Variants in ADGRA3 observed in about 807,000 individuals in gnomAD.
The protein encoded by ADGRA3 is adhesion G protein-coupled receptor A3, also known as G-protein coupled receptor 125.
A neutral mutation model predicts 119.8 loss-of-function variants in ADGRA3; 56 were observed. The ratio of observed to expected loss-of-function variants is 0.47; its 90% CI spans 0.38 to 0.58. The LOEUF (loss-of-function observed/expected upper bound fraction) is 0.58, where lower values mean the gene tolerates loss of function less well. ADGRA3 is among the 20% of genes least tolerant of loss of function. The pLI is 0.00. For synonymous variants in ADGRA3, 607 were observed against 623.8 expected (o/e 0.97, Z 0.40); for missense variants, 1,516 against 1,649.0 (o/e 0.92, Z 1.40).
intron 1 of ADGRA3, among the ~76,000 whole-genome samples, chr4:22,476,730 G>A (rs557126507): frequency 9.9e-5 from 15 of 151,492 alleles, no homozygotes; most frequent in Middle Eastern, 3.4e-3. Flanking sequence ...ACAGTGGCAC[G>A]ATCTCAATTC....
intron 5 of ADGRA3, 61 bp downstream of exon 5, chr4:22,447,379 T>C: frequency 1.9e-6 from 2 of 1,042,068 alleles, no homozygotes; most frequent in Non-Finnish European, 2.9e-6. Flanking sequence ...AATAAATGTT[T>C]TTAATTTTCA....
intron 4 of ADGRA3, among the ~76,000 whole-genome samples, chr4:22,453,610 G>C (rs761519848): frequency 1.3e-4 from 20 of 152,184 alleles, no homozygotes; most frequent in Admixed American, 3.3e-4. Flanking sequence ...ACCACAAGTA[G>C]ACAACCCTTA....
chr4:22,469,568 CTTCT>C (rs1717784114), intron 2 of ADGRA3, among the ~76,000 whole-genome samples: 1 of 152,198 alleles, frequency 6.6e-6, no homozygotes, highest in Non-Finnish European at 1.5e-5. Flanking sequence ...AAACATACCA[CTTCT>C]TTGAGTTCTC....
In ADGRA3 at chr4:22,489,514, G is replaced by A. The variant is rs1016966676; in HGVS notation, c.258-15671C>T. The stretch of plus-strand genomic sequence containing the variant: ...AAACATAATGTATAAATATAAATAT[G>A]TACATGAGCAAAAAAAATAACGAAA... On this transcript the variant is annotated intron_variant, in intron 1 of 18. Transcript: ENST00000334304. Among the ~76,000 whole-genome samples the A allele has an allele frequency of 3.9e-5, 6 of 151,996 alleles. No individual in the cohort carries two copies. In the South Asian group the frequency reaches 8.3e-4, roughly 21 times the overall value.
At chr4:22,432,549 A>G (rs544112748) in intron 10 of ADGRA3, among the ~76,000 whole-genome samples, 17 of 152,346 alleles carry the variant, frequency 1.1e-4, no homozygotes, top group African/African-American at 3.8e-4. Context: ...CGCATATCGC[A>G]CTCACATATT....
chr4:22,429,965 G>A (rs572222824), intron 10 of ADGRA3, among the ~76,000 whole-genome samples: 112 of 152,208 alleles, frequency 7.4e-4, no homozygotes, highest in Non-Finnish European at 1.4e-3. Context: ...TTGAATCATG[G>A]GGGCAGGTCT....
intron 14 of ADGRA3, among the ~76,000 whole-genome samples, chr4:22,403,519 G>T (rs1430694529): frequency 6.6e-6 from 1 of 152,038 alleles, no homozygotes; most frequent in East Asian, 1.9e-4. Flanking sequence ...GGGCAGGCTT[G>T]AGCTCAGGAG....
At chr4:22,397,339 G>A (rs1028312091) in intron 16 of ADGRA3, among the ~76,000 whole-genome samples, 1 of 151,822 alleles carries the variant, frequency 6.6e-6, no homozygotes, top group Non-Finnish European at 1.5e-5. Context: ...GCGCTACTAC[G>A]CTCAGCTAAT....
intron 1 of ADGRA3, among the ~76,000 whole-genome samples, chr4:22,507,480 T>C (rs1211983701): frequency 6.6e-6 from 1 of 151,590 alleles, no homozygotes; most frequent in Admixed American, 6.6e-5. Context: ...CTTTCAGGAG[T>C]TTTTACTTCT....
intron 1 of ADGRA3, among the ~76,000 whole-genome samples, chr4:22,502,070 CA>C (rs1719065620): frequency 6.6e-6 from 1 of 152,098 alleles, no homozygotes; most frequent in South Asian, 2.1e-4. Flanking sequence ...AGCCTTATCT[CA>C]AAAAGCATAG....
At chr4:22,506,437 C>T (rs1486605239) in intron 1 of ADGRA3, among the ~76,000 whole-genome samples, 1 of 152,122 alleles carries the variant, frequency 6.6e-6, no homozygotes, top group Non-Finnish European at 1.5e-5. Context: ...TCTGTGGTCC[C>T]AGCTACTCGG....
intron 1 of ADGRA3, among the ~76,000 whole-genome samples, chr4:22,484,431 C>A (rs1718356604): frequency 6.6e-6 from 1 of 151,830 alleles, no homozygotes; most frequent in African/African-American, 2.4e-5. Flanking sequence ...ATGGTGAAAC[C>A]CCGTCTCTAC....
At chr4:22,451,690 G>A (rs1379971526) in intron 4 of ADGRA3, among the ~76,000 whole-genome samples, 1 of 152,058 alleles carries the variant, frequency 6.6e-6, no homozygotes, top group African/African-American at 2.4e-5. Context: ...GAATGCCTAG[G>A]CTGTCCGCCA....
At chr4:22,510,509 T>G (rs1719412632) in intron 1 of ADGRA3, among the ~76,000 whole-genome samples, 1 of 152,110 alleles carries the variant, frequency 6.6e-6, no homozygotes, top group Non-Finnish European at 1.5e-5. Flanking sequence ...AGTGTGGTTC[T>G]GCCTGGGTCA....
Position 22,515,560 on chromosome 4 carries a change from G to T in ADGRA3, c.225C>A (p.Pro75=). ...CCGTGCGGTTGGGCAGAGTATCTGG[G>T]GGCAGGACCTGCGCGAGTTCCAGGC... ...CSSLELAQVL[P]PDTLPNRTVT... Residue 75 remains proline (P), a synonymous_variant, in exon 1 of 19, where the codon CCC becomes CCA. Transcript: ENST00000334304. 6.2e-7 allele frequency: 1 copy of T among 1,604,634 alleles called. No individual in the cohort carries two copies. The highest frequency in any genetic ancestry group is 8.5e-7 in the Non-Finnish European group (1 of 1,175,704).
chr4:22,454,379 G>A (rs1025935322), intron 4 of ADGRA3, among the ~76,000 whole-genome samples: 1 of 152,144 alleles, frequency 6.6e-6, no homozygotes, highest in African/African-American at 2.4e-5. Flanking sequence ...CACATGGTCA[G>A]AGGCACAATT....
intron 10 of ADGRA3, among the ~76,000 whole-genome samples, chr4:22,430,492 T>C (rs1174887142): frequency 6.6e-6 from 1 of 152,126 alleles, no homozygotes; most frequent in Non-Finnish European, 1.5e-5. Flanking sequence ...CTCTAGAGAT[T>C]TGTGGAAATT....
Position 22,500,740 on chromosome 4 carries a change from G to C in ADGRA3, c.257+14788C>G, listed in dbSNP as rs145925104. 5.3e-5 allele frequency among the ~76,000 whole-genome samples: 8 copies of C among 152,194 alleles called. No individual in the cohort carries two copies. In the East Asian group the frequency reaches 1.6e-3, roughly 30 times the overall value. On this transcript the variant is annotated intron_variant, in intron 1 of 18. Coordinates refer to ENST00000334304, the MANE Select transcript of ADGRA3 (RefSeq NM_145290.4). ...GATAGCTGGTAAACCATTATTTCAG[G>C]GTGTGTCTATGAGGGCATTTCCAGA...
At chr4:22,506,217 G>C (rs1348595469) in intron 1 of ADGRA3, among the ~76,000 whole-genome samples, 1 of 152,098 alleles carries the variant, frequency 6.6e-6, no homozygotes, top group African/African-American at 2.4e-5. Context: ...TTCAGGCCCT[G>C]AACAGGAAAG....
Sources: gnomAD v4.1 joint callset for allele counts (sites outside exome capture counted in the v4.1 genomes callset) on GRCh38, gnomAD v4.1.1 for gene constraint, MANE v1.5 for transcripts, NCBI Gene and HGNC (gene_info 2026-07-23, HGNC 2026-07-21) for gene names.